SDK1: variants seen among roughly 807,000 people sequenced by gnomAD.
SDK1 encodes sidekick cell adhesion molecule 1.
A neutral mutation model predicts 245.5 loss-of-function variants in SDK1; 157 were observed. The ratio of observed to expected loss-of-function variants is 0.64; its 90% CI spans 0.56 to 0.73. The LOEUF (loss-of-function observed/expected upper bound fraction) is 0.73. SDK1 is among the 30% of genes least tolerant of loss of function. The pLI is 0.00. For missense variants in SDK1, 3,583 were observed against 3,002.3 expected (o/e 1.19, Z -4.52); for synonymous variants, 1,647 against 1,278.5 (o/e 1.29, Z -6.15).
intron 4 of SDK1, among the ~76,000 whole-genome samples, chr7:3,793,612 G>A (rs1778875684): frequency 6.6e-6 from 1 of 152,094 alleles, no homozygotes; most frequent in Admixed American, 6.6e-5. Flanking sequence ...CAGCAACTAA[G>A]CAATCTTGTT....
At chr7:3,435,584 C>T (rs1469700181) in intron 1 of SDK1, among the ~76,000 whole-genome samples, 3 of 151,798 alleles carry the variant, frequency 2.0e-5, no homozygotes, top group Admixed American at 1.3e-4. Flanking sequence ...AGGCTGGTTT[C>T]GAACTCCTGA....
rs1025719176 is a variant in SDK1 at position 4,241,208 on chromosome 7, A to G, written c.6131-585A>G. The stretch of plus-strand genomic sequence containing the variant: ...GTTCTAGAACGTTCGTGTCACCTCA[A>G]AAGGAAGCTCTGTACCCTTTCTTTA... On this transcript the variant is annotated intron_variant, in intron 42 of 44. Coordinates refer to ENST00000404826, the MANE Select transcript of SDK1 (RefSeq NM_152744.4). 3.3e-5 allele frequency among the ~76,000 whole-genome samples: 5 copies of G among 152,312 alleles called. No homozygotes were observed. In the East Asian group the frequency reaches 7.7e-4, roughly 23 times the overall value.
At chr7:4,031,920 A>G (rs147164682) in intron 17 of SDK1, among the ~76,000 whole-genome samples, 16 of 136,970 alleles carry the variant, frequency 1.2e-4, no homozygotes, top group Admixed American at 1.1e-3. Flanking sequence ...CCAGCTACTC[A>G]GGAGGCTGAG....
intron 1 of SDK1, among the ~76,000 whole-genome samples, chr7:3,330,777 A>G (rs1780047345): frequency 6.8e-6 from 1 of 147,756 alleles, no homozygotes; most frequent in Admixed American, 6.9e-5. Flanking sequence ...ATTCGAGACA[A>G]TGTGGGCAAC....
intron 44 of SDK1, among the ~76,000 whole-genome samples, chr7:4,261,511 C>A (rs1475774105): frequency 6.6e-6 from 1 of 152,138 alleles, no homozygotes; most frequent in Non-Finnish European, 1.5e-5. Flanking sequence ...ATGGGGCCCA[C>A]ATCTGGGGCC....
At chr7:4,124,679 T>G (rs182762920) in intron 25 of SDK1, among the ~76,000 whole-genome samples, 21 of 152,192 alleles carry the variant, frequency 1.4e-4, no homozygotes, top group Admixed American at 9.8e-4. Context: ...ACTACTCTCG[T>G]GTAGAAAATC....
intron 23 of SDK1, among the ~76,000 whole-genome samples, chr7:4,112,418 G>A (rs1562827378): frequency 1.3e-5 from 2 of 152,182 alleles, no homozygotes; most frequent in African/African-American, 2.4e-5. Flanking sequence ...GTAGCTTAGT[G>A]ATTTGGGGTT....
At chr7:4,126,365 T>G (rs892414017) in intron 25 of SDK1, among the ~76,000 whole-genome samples, 3 of 152,226 alleles carry the variant, frequency 2.0e-5, no homozygotes, top group Non-Finnish European at 4.4e-5. Context: ...TGCAAACATA[T>G]CAAGACAAAT....
At chr7:4,258,770 G>A (rs893021610) in intron 44 of SDK1, among the ~76,000 whole-genome samples, 5 of 152,264 alleles carry the variant, frequency 3.3e-5, no homozygotes, top group Middle Eastern at 3.4e-3. Flanking sequence ...GAAGACCCCC[G>A]GGACCTGGGA....
chr7:3,369,981 G>A (rs940236611), intron 1 of SDK1, among the ~76,000 whole-genome samples: 1 of 152,210 alleles, frequency 6.6e-6, no homozygotes, highest in South Asian at 2.1e-4. Flanking sequence ...TTTCTAACTA[G>A]CAAAGGAAAA....
intron 4 of SDK1, among the ~76,000 whole-genome samples, chr7:3,764,201 C>T (rs1277039408): frequency 3.3e-5 from 5 of 152,084 alleles, no homozygotes; most frequent in African/African-American, 1.2e-4. Context: ...ACAGTAATTT[C>T]TTGCATTGTA....
chr7:3,515,695 G>A (rs528871408), intron 1 of SDK1, among the ~76,000 whole-genome samples: 1 of 152,272 alleles, frequency 6.6e-6, no homozygotes, highest in East Asian at 1.9e-4. Flanking sequence ...GTTAGCCAAA[G>A]AGAAATGTTG....
intron 19 of SDK1, among the ~76,000 whole-genome samples, chr7:4,058,017 C>T (rs963614543): frequency 6.6e-6 from 1 of 151,996 alleles, no homozygotes; most frequent in Admixed American, 6.6e-5. Flanking sequence ...AAGTATAACA[C>T]TTCCAAAGGA....
chr7:3,669,892 T>G (rs1406130495), intron 4 of SDK1, among the ~76,000 whole-genome samples: 2 of 152,218 alleles, frequency 1.3e-5, no homozygotes, highest in African/African-American at 4.8e-5. Flanking sequence ...TTTCCCTGCC[T>G]TACTCCTGGC....
At chr7:3,695,017 G>C (rs778404854) in intron 4 of SDK1, among the ~76,000 whole-genome samples, 8 of 152,142 alleles carry the variant, frequency 5.3e-5, no homozygotes, top group Non-Finnish European at 1.2e-4. Context: ...CCAGAAAGCA[G>C]GTATAAAGGT....
intron 2 of SDK1, among the ~76,000 whole-genome samples, chr7:3,619,947 G>T (rs1261368667): frequency 6.6e-6 from 1 of 152,146 alleles, no homozygotes; most frequent in African/African-American, 2.4e-5. Context: ...GAGCTTTCCA[G>T]GGGTATACTT....
chr7:4,098,824 C>CTTT (rs58678214), intron 22 of SDK1, among the ~76,000 whole-genome samples: 6 of 82,850 alleles, frequency 7.2e-5, no homozygotes, highest in Non-Finnish European at 1.3e-4. Flanking sequence ...CCACAATGCC[C>CTTT]TTTTTTTTTT....
intron 4 of SDK1, among the ~76,000 whole-genome samples, chr7:3,753,292 A>T (rs1044806261): frequency 6.6e-6 from 1 of 152,238 alleles, no homozygotes; most frequent in Non-Finnish European, 1.5e-5. Context: ...ATTGCTATTA[A>T]AGCCATTAAT....
intron 44 of SDK1, among the ~76,000 whole-genome samples, chr7:4,264,264 G>C (rs111782614): frequency 1.2e-5 from 1 of 86,518 alleles, no homozygotes; most frequent in Non-Finnish European, 2.4e-5. Context: ...TCTCCTGAGT[G>C]GGGAGGCCGC....
Sources: gnomAD v4.1 joint callset for allele counts (sites outside exome capture counted in the v4.1 genomes callset) on GRCh38, gnomAD v4.1.1 for gene constraint, MANE v1.5 for transcripts, NCBI Gene and HGNC (gene_info 2026-07-23, HGNC 2026-07-21) for gene names.